APOC2: variants seen among roughly 807,000 people sequenced by gnomAD.
APOC2 encodes apolipoprotein C2, also known as apolipoprotein C-II.
Under a neutral mutation model 10.2 loss-of-function variants are expected in APOC2, and 6 were observed. The ratio of observed to expected loss-of-function variants is 0.59; its 90% CI spans 0.32 to 1.16. The LOEUF (loss-of-function observed/expected upper bound fraction) is 1.16. APOC2 is among the 50% of genes most tolerant of loss of function. APOC2 has a pLI of 0.05. For missense variants in APOC2, 110 were observed against 117.6 expected, an observed-to-expected ratio of 0.94 and a Z score of 0.30; for synonymous variants, 56 against 48.5, an observed-to-expected ratio of 1.15 and a Z score of -0.64.
At position 44,949,363 on chromosome 19, in the gene APOC2, C is replaced by A; in HGVS notation, c.*114C>A. Reference sequence around the variant, plus strand: ...TCTTGCATCCTCCTCCCAACTCTAGCCTGAATTCTTTTCAATAAAAAATAC... The same window carrying A: ...TCTTGCATCCTCCTCCCAACTCTAGACTGAATTCTTTTCAATAAAAAATAC... On this transcript the variant is annotated 3_prime_UTR_variant, in exon 4 of 4. Transcript: ENST00000252490. 1.3e-6 allele frequency: 1 copy of A among 788,960 alleles called. No individual in the cohort carries two copies. The highest frequency in any genetic ancestry group is 2.2e-6 in the Non-Finnish European group (1 of 457,608). 48.9% of individuals were successfully genotyped at this position (788,960 alleles called of 1,614,324 possible).
rs371548125 is a variant in APOC2, at chr19:44,948,653, C to T, written c.56-48C>T. ...TCTCCTCTTCTTCCTTCCTCCTTTC[C>T]CCCTGCTGCAGCCCCACGGGCTCTC... is the stretch of plus-strand genomic sequence containing the variant. On this transcript the variant is annotated intron_variant, in intron 2 of 3. Coordinates refer to ENST00000252490, the MANE Select transcript of APOC2 (RefSeq NM_000483.5). The T allele has an allele frequency of 1.3e-5, 21 of 1,611,730 alleles. No homozygotes were observed. The African/African-American group carries it at 2.7e-4, about 21-fold the overall frequency.
rs5123 is a variant in APOC2 at position 44,948,904 on chromosome 19, G to A, written c.215+44G>A. On this transcript the variant is annotated intron_variant, in intron 3 of 3. Transcript: ENST00000252490. ...GAAATGGGGTCTGGCCCATACCACC[G>A]ACTGCATCCAGGACCCAGAAGTTCA... is the stretch of plus-strand genomic sequence containing the variant. 2.7e-3 allele frequency: 4,371 copies of A among 1,605,906 alleles called. 62 individuals are homozygous for A. The African/African-American group carries it at 0.04, about 15-fold the overall frequency.
At chr19:44,946,843 A>C (rs116489256) in intron 1 of APOC2, among the ~76,000 whole-genome samples, 1,674 of 151,986 alleles carry the variant, frequency 0.011, 26 homozygotes, top group African/African-American at 0.035. Context: ...AGAATGAAAA[A>C]ATTTAAAAAA....
At chr19:44,946,933 CT>C (rs1220613648) in intron 1 of APOC2, among the ~76,000 whole-genome samples, 1 of 152,188 alleles carries the variant, frequency 6.6e-6, no homozygotes, top group Non-Finnish European at 1.5e-5. Flanking sequence ...AAACGGATCA[CT>C]TGATGTCAGG....
chr19:44,947,669 C>T (rs754388440), intron 1 of APOC2, among the ~76,000 whole-genome samples: 2 of 151,456 alleles, frequency 1.3e-5, no homozygotes, highest in African/African-American at 2.4e-5. Flanking sequence ...CATGGTGGCT[C>T]ATGCCTGTAA....
chr19:44,948,823 G>T lies in APOC2; in HGVS notation c.178G>T (p.Glu60Ter). Reference sequence around the variant, plus strand: ...AAAGACAGCCGCCCAGAACCTGTACGAGAAGACATACCTGCCCGCTGTAGA... The same window carrying T: ...AAAGACAGCCGCCCAGAACCTGTACTAGAAGACATACCTGCCCGCTGTAGA... ...SAKTAAQNLY[E>*]KTYLPAVDEK... is the part of the protein sequence containing the mutation. Residue 60 changes from glutamate (E) to a stop codon, truncating the protein, a stop_gained, in exon 3 of 4, where the codon GAG (glutamate) becomes TAG (stop). Coordinates refer to ENST00000252490, the MANE Select transcript of APOC2 (RefSeq NM_000483.5). LOFTEE classifies it low-confidence loss of function (END_TRUNC). The T allele has an allele frequency of 6.2e-7, 1 of 1,613,884 alleles. No individual in the cohort carries two copies. Among genetic ancestry groups the T allele is most frequent in the Non-Finnish European group, 8.5e-7 (1 of 1,180,018 alleles).
chr19:44,946,776 C>T (rs9304644), intron 1 of APOC2, among the ~76,000 whole-genome samples: 77,587 of 151,860 alleles, frequency 0.51, 20,289 homozygotes, highest in African/African-American at 0.58. Context: ...GAGCCCAGAT[C>T]GTGCCACTGT....
At chr19:44,949,006 C>G (rs1970354149) in intron 3 of APOC2, 146 bp downstream of exon 3, 1 of 1,059,484 alleles carries the variant, frequency 9.4e-7, no homozygotes, top group Non-Finnish European at 1.3e-6. Flanking sequence ...AGTCCAGGCC[C>G]CCAGCCCGTC....
At position 44,948,471 on chromosome 19, in the gene APOC2, T is replaced by C. The variant is rs1171668528; in HGVS notation, c.-8T>C. 4 of 1,613,844 alleles carry C rather than the reference T, an allele frequency of 2.5e-6. No individual in the cohort carries two copies. The African/African-American group carries it at 4.0e-5, about 16-fold the overall frequency. On this transcript the variant is annotated 5_prime_UTR_variant, in exon 2 of 4. Coordinates refer to ENST00000252490, the MANE Select transcript of APOC2 (RefSeq NM_000483.5). ...ACACCCCCTCAATGTTCCAGGTCTC[T>C]GGACACTATGGGCACACGACTCCTC...
At chr19:44,946,234 T>TGTGTGAGAGA (rs1236986911) in intron 1 of APOC2, among the ~76,000 whole-genome samples, 159 bp downstream of exon 1, 26 of 132,908 alleles carry the variant, frequency 2.0e-4, no homozygotes, top group African/African-American at 7.4e-4. Flanking sequence ...TGTGTGTGTG[T>TGTGTGAGAGA]GAGAGAGAGA....
In APOC2 at chr19:44,948,523, A is replaced by G; in HGVS notation, c.45A>G (p.Val15=). The change falls in exon 2 of 4, where the codon GTA becomes GTG. Residue 15 remains valine (V), a synonymous_variant. Coordinates refer to ENST00000252490, the MANE Select transcript of APOC2 (RefSeq NM_000483.5). ...CAGCTCTGTTTCTTGTCCTCCTGGTATTGGGATTTGGTGAGTGTGGGCTTC... is the reference window on the plus strand; with the variant it reads ...CAGCTCTGTTTCTTGTCCTCCTGGTGTTGGGATTTGGTGAGTGTGGGCTTC... ...LLPALFLVLL[V]LGFEVQGTQQ... The G allele has an allele frequency of 6.2e-7, 1 of 1,613,910 alleles. No individual in the cohort carries two copies. Among genetic ancestry groups the G allele is most frequent in the Non-Finnish European group, 8.5e-7 (1 of 1,179,896 alleles).
intron 1 of APOC2, 146 bp from the exon 2 acceptor site, chr19:44,948,320 G>A (rs1970344337): frequency 2.8e-6 from 2 of 710,554 alleles, no homozygotes; most frequent in African/African-American, 3.5e-5. Context: ...GAAGGGGGCT[G>A]TGTCCAAGTC....
At chr19:44,946,185 C>A (rs1970316738) in intron 1 of APOC2, 110 bp downstream of exon 1, 2 of 138,840 alleles carry the variant, frequency 1.4e-5, no homozygotes, top group South Asian at 2.2e-4. Context: ...CGTGTTGGAA[C>A]CATGACTGTG....
chr19:44,948,366 C>A, intron 1 of APOC2, 100 bp from the exon 2 acceptor site: 1 of 1,023,132 alleles, frequency 9.8e-7, no homozygotes, highest in Non-Finnish European at 1.6e-6. Context: ...ACCGAGCTCA[C>A]ACAGAGCAGG....
In APOC2 at chr19:44,948,827, A is replaced by C; in HGVS notation, c.182A>C (p.Lys61Thr). The change falls in exon 3 of 4, where the codon AAG (lysine) becomes ACG (threonine). Residue 61 changes from lysine to threonine, a missense_variant. Transcript: ENST00000252490. ...ACAGCCGCCCAGAACCTGTACGAGA[A>C]GACATACCTGCCCGCTGTAGATGAG... is the stretch of plus-strand genomic sequence containing the variant. ...AKTAAQNLYEKTYLPAVDEKL... is the reference protein window; with the variant it reads ...AKTAAQNLYETTYLPAVDEKL... 1.2e-6 allele frequency: 2 copies of C among 1,613,886 alleles called. No homozygotes were observed. Among genetic ancestry groups the C allele is most frequent in the Non-Finnish European group, 1.7e-6 (2 of 1,180,022 alleles).
Position 44,948,714 on chromosome 19 carries a change from CCAACAGCCCCAG to C in APOC2, c.73_84del (p.Gln25_Gln28del). The stretch of plus-strand genomic sequence containing the variant: ...CTCCCCCTGCAGAGGTCCAGGGGAC[CCAACAGCCCCAG>C]CAAGATGAGATGCCTAGCCCGACCT... On this transcript the variant is annotated inframe_deletion, in exon 3 of 4. Coordinates refer to ENST00000252490, the MANE Select transcript of APOC2 (RefSeq NM_000483.5). 4 of 1,614,110 alleles carry C rather than the reference CCAACAGCCCCAG, an allele frequency of 2.5e-6. No individual in the cohort carries two copies. Among genetic ancestry groups the C allele is most frequent in the Non-Finnish European group, 3.4e-6 (4 of 1,180,020 alleles).
chr19:44,946,825 G>A (rs1599990700), intron 1 of APOC2, among the ~76,000 whole-genome samples: 3 of 151,704 alleles, frequency 2.0e-5, no homozygotes, highest in South Asian at 4.2e-4. Flanking sequence ...CAGTCTTGGC[G>A]GAAAAAAAGA....
intron 1 of APOC2, among the ~76,000 whole-genome samples, chr19:44,948,071 A>C (rs1022783525): frequency 6.6e-6 from 1 of 151,952 alleles, no homozygotes. Context: ...TCCATCTCAA[A>C]AAATACGAAA....
At position 44,949,262 on chromosome 19, in the gene APOC2, C is replaced by G. The variant is rs753384481; in HGVS notation, c.*13C>G. 6 of 1,610,762 alleles carry G rather than the reference C, an allele frequency of 3.7e-6. No individual in the cohort carries two copies. The highest frequency in any genetic ancestry group is 2.2e-5 in the South Asian group (2 of 90,622). ...GGGAGAGGAGTAACAGCCAGACCCC[C>G]CATCAGTGGACAAGGGGAGAGTCCC... On this transcript the variant is annotated 3_prime_UTR_variant, in exon 4 of 4. Transcript: ENST00000252490.
Sources: allele counts gnomAD v4.1 joint callset (sites outside exome capture counted in the v4.1 genomes callset), GRCh38; gene constraint gnomAD v4.1.1; transcripts MANE v1.5; gene names NCBI Gene and HGNC (gene_info 2026-07-23, HGNC 2026-07-21).